SUPT3H: variants seen among roughly 807,000 people sequenced by gnomAD.
The protein encoded by SUPT3H is transcription initiation protein SPT3 homolog.
A neutral mutation model predicts 44.3 loss-of-function variants in SUPT3H; 44 were observed. The ratio of observed to expected loss-of-function variants is 0.99; its 90% CI spans 0.78 to 1.28. The LOEUF is 1.28. SUPT3H is among the 50% of genes most tolerant of loss of function. The pLI is 0.00. For missense variants in SUPT3H, 380 were observed against 387.1 expected, an observed-to-expected ratio of 0.98 and a Z score of 0.15; for synonymous variants, 124 against 125.6, an observed-to-expected ratio of 0.99 and a Z score of 0.09.
intron 10 of SUPT3H, among the ~76,000 whole-genome samples, chr6:44,879,784 CAG>C (rs1332514901): frequency 2.0e-5 from 3 of 152,186 alleles, no homozygotes; most frequent in African/African-American, 7.2e-5. Context: ...CCCAGGCAAA[CAG>C]GGTCTGGAGT....
chr6:45,345,470 C>G (rs1280755157), intron 2 of SUPT3H, among the ~76,000 whole-genome samples: 1 of 152,068 alleles, frequency 6.6e-6, no homozygotes, highest in African/African-American at 2.4e-5. Context: ...ACTCCTCAAC[C>G]AGGATACAAA....
At chr6:45,275,880 A>C (rs1457609793) in intron 2 of SUPT3H, among the ~76,000 whole-genome samples, 1 of 152,146 alleles carries the variant, frequency 6.6e-6, no homozygotes, top group Non-Finnish European at 1.5e-5. Context: ...AGGTTAAAAA[A>C]TTAAAAAAGA....
chr6:44,984,006 T>C (rs1444015888), intron 6 of SUPT3H, among the ~76,000 whole-genome samples: 1 of 152,184 alleles, frequency 6.6e-6, no homozygotes, highest in African/African-American at 2.4e-5. Flanking sequence ...ACCTAGCATA[T>C]ATATGGCATA....
At chr6:45,283,778 T>A (rs923282240) in intron 2 of SUPT3H, among the ~76,000 whole-genome samples, 1 of 151,980 alleles carries the variant, frequency 6.6e-6, no homozygotes, top group South Asian at 2.1e-4. Flanking sequence ...ATCAACAGAA[T>A]ATACATTCTT....
chr6:45,277,686 C>A (rs1162785517), intron 2 of SUPT3H, among the ~76,000 whole-genome samples: 1 of 152,160 alleles, frequency 6.6e-6, no homozygotes, highest in Admixed American at 6.5e-5. Flanking sequence ...GATTTACACA[C>A]ACGCAATTCC....
intron 5 of SUPT3H, among the ~76,000 whole-genome samples, chr6:45,009,548 A>G (rs568025252): frequency 6.6e-6 from 1 of 152,258 alleles, no homozygotes; most frequent in African/African-American, 2.4e-5. Flanking sequence ...CAGTTGCTCC[A>G]GCAATATTTG....
chr6:44,838,791 G>T (rs1197393637), intron 10 of SUPT3H, among the ~76,000 whole-genome samples: 1 of 152,142 alleles, frequency 6.6e-6, no homozygotes, highest in African/African-American at 2.4e-5. Flanking sequence ...AAGCTGAACT[G>T]CTGTGGACTG....
chr6:45,029,358 T>TATAC lies in SUPT3H; in HGVS notation c.187-8730_187-8727dup, dbSNP rs1554213510. Among the ~76,000 whole-genome samples, 5 of 150,274 alleles carry TATAC rather than the reference T, an allele frequency of 3.3e-5. No individual in the cohort carries two copies. In the Admixed American group the frequency reaches 3.3e-4, roughly 10 times the overall value. On this transcript the variant is annotated intron_variant, in intron 3 of 10. Coordinates refer to ENST00000371459, the MANE Select transcript of SUPT3H (RefSeq NM_003599.4). ...ATTTGTATGTGTATATATATATATATATACATATTCTTTAAAATATGTGTG... is the reference window on the plus strand; with the variant it reads ...ATTTGTATGTGTATATATATATATATATACATACATATTCTTTAAAATATGTGTG...
intron 2 of SUPT3H, among the ~76,000 whole-genome samples, chr6:45,179,713 C>T (rs756934076): frequency 4.6e-5 from 7 of 151,104 alleles, no homozygotes; most frequent in South Asian, 2.1e-4. Flanking sequence ...AAATTAGGGA[C>T]GTATTTCAAA....
Position 44,844,753 on chromosome 6 carries a change from G to A in SUPT3H, c.913-14896C>T, listed in dbSNP as rs549805800. On this transcript the variant is annotated intron_variant, in intron 10 of 10. Coordinates refer to ENST00000371459, the MANE Select transcript of SUPT3H (RefSeq NM_003599.4). ...CTATGGATGGTAGGGGTAGAGGACTGACTATAATGAGATGTCAGGACATCT... is the reference window on the plus strand; with the variant it reads ...CTATGGATGGTAGGGGTAGAGGACTAACTATAATGAGATGTCAGGACATCT... Among the ~76,000 whole-genome samples, 4 of 152,270 alleles carry A rather than the reference G, an allele frequency of 2.6e-5. No individual in the cohort carries two copies. The South Asian group carries it at 8.3e-4, about 32-fold the overall frequency.
intron 11 of SUPT3H, among the ~76,000 whole-genome samples, chr6:44,819,338 T>C (rs1228967516): frequency 1.3e-5 from 2 of 152,108 alleles, no homozygotes; most frequent in African/African-American, 2.4e-5. Context: ...GGGAATCATG[T>C]TACAAAGGAA....
intron 3 of SUPT3H, among the ~76,000 whole-genome samples, chr6:45,083,289 T>C (rs1796065066): frequency 6.6e-6 from 1 of 151,838 alleles, no homozygotes; most frequent in African/African-American, 2.4e-5. Context: ...CCTCCCAGGT[T>C]CAAGCGATTC....
chr6:45,053,540 G>A (rs1024417179), intron 3 of SUPT3H, among the ~76,000 whole-genome samples: 1 of 151,614 alleles, frequency 6.6e-6, no homozygotes, highest in African/African-American at 2.4e-5. Flanking sequence ...AATAGCAGAG[G>A]CAGAAAGTCC....
At chr6:45,245,433 A>C (rs1771167388) in intron 2 of SUPT3H, among the ~76,000 whole-genome samples, 1 of 152,018 alleles carries the variant, frequency 6.6e-6, no homozygotes, top group Non-Finnish European at 1.5e-5. Context: ...CACACCTATT[A>C]ATCAAAAGCT....
chr6:44,889,672 T>C (rs148964457), intron 10 of SUPT3H, among the ~76,000 whole-genome samples: 18,387 of 152,086 alleles, frequency 0.12, 1,448 homozygotes, highest in East Asian at 0.27. Flanking sequence ...GAAGAAAACC[T>C]AGGCATTACT....
chr6:45,174,796 G>A (rs1392788992), intron 2 of SUPT3H, among the ~76,000 whole-genome samples: 1 of 151,494 alleles, frequency 6.6e-6, no homozygotes, highest in African/African-American at 2.4e-5. Flanking sequence ...ACTAAATTAG[G>A]TATAGAATAA....
chr6:44,850,770 A>G (rs1772746882), intron 10 of SUPT3H, among the ~76,000 whole-genome samples: 1 of 151,936 alleles, frequency 6.6e-6, no homozygotes, highest in Non-Finnish European at 1.5e-5. Flanking sequence ...CTATCTATCT[A>G]TCTATCTATC....
Position 45,003,801 on chromosome 6 carries a change from A to G in SUPT3H, c.365-9T>C, listed in dbSNP as rs767112650. The G allele has an allele frequency of 1.2e-6, 2 of 1,613,066 alleles. No homozygotes were observed. The highest frequency in any genetic ancestry group is 1.7e-5 in the Admixed American group (1 of 59,802). On this transcript the variant is annotated splice_polypyrimidine_tract_variant and intron_variant, in intron 5 of 10. Transcript: ENST00000371459. ...GCTGCCACTCAATTTGTCTTCATGAAGTCAAGGGAAAGAAAAAAAGAAATG... is the reference window on the plus strand; with the variant it reads ...GCTGCCACTCAATTTGTCTTCATGAGGTCAAGGGAAAGAAAAAAAGAAATG...
intron 6 of SUPT3H, among the ~76,000 whole-genome samples, chr6:44,978,995 T>G (rs190950641): frequency 1.1e-4 from 17 of 152,328 alleles, no homozygotes; most frequent in Admixed American, 3.3e-4. Flanking sequence ...CTGTTAATAT[T>G]CTTTTCTATT....
Sources: allele counts gnomAD v4.1 joint callset (sites outside exome capture counted in the v4.1 genomes callset), GRCh38; gene constraint gnomAD v4.1.1; transcripts MANE v1.5; gene names NCBI Gene and HGNC (gene_info 2026-07-23, HGNC 2026-07-21).